The following DLG5 variants were observed in gnomAD, a reference collection of about 807,000 sequenced individuals.
DLG5 encodes the protein discs large MAGUK scaffold protein 5, also known as disks large homolog 5.
DLG5 carries 48 observed loss-of-function variants against 189.8 expected under a neutral mutation model. The observed-to-expected ratio is 0.25, with a 90% CI of 0.20 to 0.32. The LOEUF is 0.32. DLG5 is among the 10% of genes least tolerant of loss of function. DLG5 has a pLI of 1.00. For missense variants in DLG5, 2,160 were observed against 2,544.7 expected (o/e 0.85, Z 3.25); for synonymous variants, 1,016 against 1,054.1 (o/e 0.96, Z 0.70).
rs777110255 is a variant in DLG5 at position 77,812,344 on chromosome 10, C to T, written c.4059G>A (p.Val1353=). 2 of 1,613,736 alleles carry T rather than the reference C, an allele frequency of 1.2e-6. No individual in the cohort carries two copies. The highest frequency in any genetic ancestry group is 1.6e-4 in the Middle Eastern group (1 of 6,082). Residue 1353 remains valine (V), a synonymous_variant, in exon 21 of 32, where the codon GTG becomes GTA. Coordinates refer to ENST00000372391, the MANE Select transcript of DLG5 (RefSeq NM_004747.4). ...TGCCCAGCGGCTCTGAGCCCTTCTG[C>T]ACCTTCACGTGGCGTGGCTCCTCCA... ...PYVEEPRHVK[V]QKGSEPLGIS... is the part of the protein sequence containing the mutation.
chr10:77,926,528 G>GGCCGC lies in DLG5; in HGVS notation c.-13_-9dup. On this transcript the variant is annotated 5_prime_UTR_variant, in exon 1 of 32. Transcript: ENST00000372391. This position sits in a 1 kb window ranked among gnomAD's most constrained non-coding sequence, Gnocchi z 5.2. ...CCGGCGCTGGGGCTCCATGGTGGCG[G>GGCCGC]GCCGCGCCGCCCCGCCCCGCCGGAC... 1.6e-6 allele frequency: 2 copies of GGCCGC among 1,273,684 alleles called. No homozygotes were observed. Among genetic ancestry groups the GGCCGC allele is most frequent in the Non-Finnish European group, 2.0e-6 (2 of 1,012,484 alleles). The allele number at this position is 1,273,684 out of a possible 1,614,324, so 78.9% of individuals were successfully genotyped here.
rs752704634 is a variant in DLG5 at position 77,809,549 on chromosome 10, C to T, written c.4645G>A (p.Glu1549Lys). 4 of 1,611,814 alleles carry T rather than the reference C, an allele frequency of 2.5e-6. No individual in the cohort carries two copies. Among genetic ancestry groups the T allele is most frequent in the Non-Finnish European group, 3.4e-6 (4 of 1,178,854 alleles). ...DGLVPGDLIL[E>K]YGSLDVRNKT... Reference sequence around the variant, plus strand: ...CTGCTCAGCAGCTCAGAACTCACCTCCAGGATGAGGTCCCCTGGCACGAGG... The same window carrying T: ...CTGCTCAGCAGCTCAGAACTCACCTTCAGGATGAGGTCCCCTGGCACGAGG... The change falls in exon 24 of 32, where the codon GAG (glutamate) becomes AAG (lysine). Residue 1549 changes from glutamate to lysine, a missense_variant and splice_region_variant. By Grantham distance (56) the Glu-to-Lys change is moderately conservative (BLOSUM62 1). This residue lies in a region of DLG5 where 574 missense variants were observed against 644.2 expected (regional missense o/e 0.89). Coordinates refer to ENST00000372391, the MANE Select transcript of DLG5 (RefSeq NM_004747.4).
At chr10:77,888,742 C>T (rs747403260) in intron 1 of DLG5, among the ~76,000 whole-genome samples, 11 of 152,162 alleles carry the variant, frequency 7.2e-5, no homozygotes, top group Non-Finnish European at 1.6e-4. Context: ...TCCCAAACCC[C>T]GTTAATATGT....
intron 1 of DLG5, among the ~76,000 whole-genome samples, chr10:77,916,866 T>C (rs1409747870): frequency 6.9e-6 from 1 of 144,714 alleles, no homozygotes; most frequent in Non-Finnish European, 1.5e-5. Flanking sequence ...ACAACCCAAA[T>C]GTGTCCATCA....
chr10:77,830,379 A>G, intron 10 of DLG5, 35 bp from the exon 11 acceptor site: 1 of 1,613,850 alleles, frequency 6.2e-7, no homozygotes, highest in Non-Finnish European at 8.5e-7. Context: ...CGCATTTCAC[A>G]AAGCAGTGAC....
At chr10:77,854,471 CTGG>C in intron 3 of DLG5, 101 bp from the exon 4 acceptor site, 1 of 1,497,192 alleles carries the variant, frequency 6.7e-7, no homozygotes, top group South Asian at 1.3e-5. Context: ...TTCCCCAGTA[CTGG>C]TCTTCTATGC....
intron 1 of DLG5, among the ~76,000 whole-genome samples, chr10:77,877,857 A>AGCAGGGCTGGCC (rs71030914): frequency 1.3e-5 from 2 of 151,900 alleles, no homozygotes; most frequent in Non-Finnish European, 2.9e-5. Context: ...GAAGGAGTGG[A>AGCAGGGCTGGCC]GCAGCGCCTC....
intron 27 of DLG5, among the ~76,000 whole-genome samples, chr10:77,801,356 A>AT (rs1393501446): frequency 5.9e-5 from 9 of 152,218 alleles, no homozygotes; most frequent in Non-Finnish European, 8.8e-5. Flanking sequence ...GAAGAGTGGA[A>AT]TAATGAACAG....
At chr10:77,831,680 A>G (rs182756824) in intron 9 of DLG5, among the ~76,000 whole-genome samples, 192 of 152,340 alleles carry the variant, frequency 1.3e-3, no homozygotes, top group African/African-American at 4.2e-3. Context: ...GCATAAGTTA[A>G]CAGAGGAAGG....
At chr10:77,874,409 G>A (rs1318297299) in intron 1 of DLG5, among the ~76,000 whole-genome samples, 1 of 152,202 alleles carries the variant, frequency 6.6e-6, no homozygotes, top group African/African-American at 2.4e-5. Context: ...TGCAGGTTGA[G>A]TATCCCTAAT....
rs567157007 is a variant in DLG5, at chr10:77,821,291, G to C, written c.3193C>G (p.Pro1065Ala). Residue 1065 changes from proline (P) to alanine (A), a missense_variant, in exon 15 of 32, where the codon CCC (proline) becomes GCC (alanine). Physicochemically the swap from Pro to Ala is conservative, Grantham distance 27. This residue lies in a region of DLG5 where 754 missense variants were observed against 746.5 expected (regional missense o/e 1.01). Coordinates refer to ENST00000372391, the MANE Select transcript of DLG5 (RefSeq NM_004747.4). ...VDPGEPMHAS[P>A]PRKARVRIAS... ...ATGCGGACCCTGGCCTTGCGAGGGG[G>C]TGATGCGTGCATGGGCTCCCCGGGG... 3.7e-6 allele frequency: 6 copies of C among 1,613,696 alleles called. No homozygotes were observed. In the South Asian group the frequency reaches 6.6e-5, roughly 18 times the overall value.
intron 5 of DLG5, among the ~76,000 whole-genome samples, chr10:77,850,834 T>A (rs140792600): frequency 1.3e-4 from 20 of 152,354 alleles, no homozygotes; most frequent in African/African-American, 4.6e-4. Context: ...TACACTGAGA[T>A]GTGCCAACCT....
chr10:77,811,718 C>T lies in DLG5; in HGVS notation c.4322+206G>A, dbSNP rs567302958. Among the ~76,000 whole-genome samples, 4 of 152,298 alleles carry T rather than the reference C, an allele frequency of 2.6e-5. No homozygotes were observed. The South Asian group carries it at 6.2e-4, about 24-fold the overall frequency. On this transcript the variant is annotated intron_variant, in intron 22 of 31. Transcript: ENST00000372391. ...TGCTGGTCAGGGGGACCACAGCCAT[C>T]TGTTTCCACACCCCATTTCAGGAGG...
chr10:77,910,844 C>T lies in DLG5; in HGVS notation c.304+15373G>A, dbSNP rs140749904. On this transcript the variant is annotated intron_variant, in intron 1 of 31. Coordinates refer to ENST00000372391, the MANE Select transcript of DLG5 (RefSeq NM_004747.4). Reference sequence around the variant, plus strand: ...AAAATTACCTGGGTGTGATGGCACACGCCTGTAATCCCAGCTACTGGGGAG... The same window carrying T: ...AAAATTACCTGGGTGTGATGGCACATGCCTGTAATCCCAGCTACTGGGGAG... Among the ~76,000 whole-genome samples, 552 of 152,174 alleles carry T rather than the reference C, an allele frequency of 3.6e-3. 2 individuals are homozygous for T. The highest frequency in any genetic ancestry group is 0.018 in the South Asian group (87 of 4,814).
rs779605961 is a variant in DLG5, at chr10:77,796,410, A to G, written c.5308+41T>C. ...GGCAGGTGGACAGGGACATAGAGAC[A>G]AAGAGCCCAGTAGGCACAGAGGGTG... On this transcript the variant is annotated intron_variant, in intron 28 of 31. Coordinates refer to ENST00000372391, the MANE Select transcript of DLG5 (RefSeq NM_004747.4). The surrounding 1 kb of genome is among the most constrained non-coding windows in gnomAD (Gnocchi z 5.2). 1 of 1,613,972 alleles carries G rather than the reference A, an allele frequency of 6.2e-7. No individual in the cohort carries two copies. The highest frequency in any genetic ancestry group is 8.5e-7 in the Non-Finnish European group (1 of 1,179,922).
Position 77,853,529 on chromosome 10 carries a change from T to C in DLG5, c.689A>G (p.His230Arg). Reference protein sequence around the residue: ...AKETDFYHTLHSRLLSDQTRL... With the variant: ...AKETDFYHTLRSRLLSDQTRL... ...AGTCTGGTCACTCAGGAGCCGGCTG[T>C]GGAGTGTGCTGAAACACCCGGTACA... The change falls in exon 5 of 32, where the codon CAC (histidine) becomes CGC (arginine). Residue 230 changes from histidine (H) to arginine (R), a missense_variant. Coordinates refer to ENST00000372391, the MANE Select transcript of DLG5 (RefSeq NM_004747.4). The C allele has an allele frequency of 6.2e-7, 1 of 1,600,152 alleles. No individual in the cohort carries two copies. Among genetic ancestry groups the C allele is most frequent in the Non-Finnish European group, 8.5e-7 (1 of 1,173,234 alleles).
chr10:77,842,013 G>A lies in DLG5; in HGVS notation c.1305C>T (p.Ile435=), dbSNP rs759820647. 13 of 1,614,126 alleles carry A rather than the reference G, an allele frequency of 8.1e-6. No individual in the cohort carries two copies. Among genetic ancestry groups the A allele is most frequent in the Non-Finnish European group, 5.1e-6 (6 of 1,180,064 alleles). The change falls in exon 7 of 32, where the codon ATC becomes ATT. Residue 435 remains isoleucine, a synonymous_variant. Coordinates refer to ENST00000372391, the MANE Select transcript of DLG5 (RefSeq NM_004747.4). Reference sequence around the variant, plus strand: ...AGATGACCTGGTCACGCTCACTCATGATGAGCTTGTACTCGCTGTACACAG... The same window carrying A: ...AGATGACCTGGTCACGCTCACTCATAATGAGCTTGTACTCGCTGTACACAG... ...RDAVYSEYKL[I]MSERDQVISE... is the part of the protein sequence containing the mutation.
chr10:77,903,090 AC>A (rs1845977003), intron 1 of DLG5, among the ~76,000 whole-genome samples: 1 of 152,220 alleles, frequency 6.6e-6, no homozygotes, highest in African/African-American at 2.4e-5. Context: ...CAATGTACAT[AC>A]ACTTTGTTTC....
chr10:77,915,341 A>AG (rs1017094276), intron 1 of DLG5, among the ~76,000 whole-genome samples: 8 of 152,018 alleles, frequency 5.3e-5, no homozygotes, highest in African/African-American at 1.9e-4. Context: ...AAAAAAAAAA[A>AG]TAGGAACGTT....
Sources: gnomAD v4.1 joint callset for allele counts (sites outside exome capture counted in the v4.1 genomes callset) on GRCh38, gnomAD v4.1.1 for gene constraint, gnomAD v4.1.1 regional missense constraint, Gnocchi (gnomAD v3.1) non-coding constraint, MANE v1.5 for transcripts, NCBI Gene and HGNC (gene_info 2026-07-23, HGNC 2026-07-21) for gene names.